CTBP2: variants seen among roughly 807,000 people sequenced by gnomAD.
The protein encoded by CTBP2 is C-terminal-binding protein 2.
Under a neutral mutation model 80.3 loss-of-function variants are expected in CTBP2, and 30 were observed. The ratio of observed to expected loss-of-function variants is 0.37; its 90% CI spans 0.28 to 0.51. CTBP2 has a LOEUF of 0.51. Among genes scored for constraint, CTBP2 ranks in the 20% least tolerant of loss-of-function variants. CTBP2 has a pLI of 0.93. For synonymous variants in CTBP2, 594 were observed against 587.4 expected, an observed-to-expected ratio of 1.01 and a Z score of -0.16; for missense variants, 1,212 against 1,375.3, an observed-to-expected ratio of 0.88 and a Z score of 1.88.
At chr10:124,998,714 G>C (rs1202302901) in intron 3 of CTBP2, 1 of 173,164 alleles carries the variant, frequency 5.8e-6, no homozygotes, top group African/African-American at 2.4e-5. Context: ...GGCTGGCCCC[G>C]GGAACGGAAC....
rs539262282 is a variant in CTBP2, at chr10:125,147,200, C to T, written c.-206+13119G>A. ...AACAAATATGCTCCTCGGAATGTGG[C>T]CTGTCATGCCCACGTTCACTGTGGT... On this transcript the variant is annotated intron_variant, in intron 1 of 10. Coordinates refer to the CTBP2 transcript ENST00000337195. Among the ~76,000 whole-genome samples the T allele has an allele frequency of 3.7e-4, 57 of 152,284 alleles. 1 individual carries two copies. The highest frequency in any genetic ancestry group is 1.3e-3 in the African/African-American group (55 of 41,570).
rs112638333 is a variant in CTBP2, at chr10:125,116,646, T to C, written c.-205-5553A>G. Among the ~76,000 whole-genome samples, 860 of 152,190 alleles carry C rather than the reference T, an allele frequency of 5.7e-3. 10 individuals are homozygous for C. The highest frequency in any genetic ancestry group is 0.019 in the African/African-American group (769 of 41,528). On this transcript the variant is annotated intron_variant, in intron 1 of 10. Coordinates refer to the CTBP2 transcript ENST00000337195. The stretch of plus-strand genomic sequence containing the variant: ...CCCCCTCTCCTAGCCTGACACTCCC[T>C]AGAGCACCACGGCACTGCCTCGGGG...
chr10:125,040,447 C>G lies in CTBP2; in HGVS notation c.-101-1292G>C, dbSNP rs1428384652. On this transcript the variant is annotated intron_variant, in intron 2 of 10. Transcript: ENST00000337195. ...TCCAACCTGGTGACAGAGCAAGACT[C>G]TGTCTTTAAAAAAAAAAAAAAAAAA... Among the ~76,000 whole-genome samples, 10 of 105,204 alleles carry G rather than the reference C, an allele frequency of 9.5e-5. No homozygotes were observed. In the South Asian group the frequency reaches 2.9e-3, roughly 30 times the overall value. The allele number at this position is 105,204 out of a possible 152,430, so 69.0% of individuals were successfully genotyped here.
chr10:125,043,945 T>A (rs1365344397), intron 2 of CTBP2, among the ~76,000 whole-genome samples: 3 of 152,220 alleles, frequency 2.0e-5, no homozygotes, highest in Admixed American at 6.5e-5. Flanking sequence ...TTTCACAATA[T>A]GCTCACAAAT....
chr10:125,074,430 C>G (rs1398181273), intron 2 of CTBP2, among the ~76,000 whole-genome samples: 2 of 152,230 alleles, frequency 1.3e-5, no homozygotes, highest in Non-Finnish European at 2.9e-5. Flanking sequence ...TCTCTGCTCA[C>G]TGCAACCTCT....
chr10:125,112,105 G>C (rs1224121210), intron 1 of CTBP2, among the ~76,000 whole-genome samples: 1 of 139,014 alleles, frequency 7.2e-6, no homozygotes, highest in African/African-American at 2.8e-5. Context: ...AGCTGCATTT[G>C]ACTTTTTTTT....
chr10:125,081,302 G>C (rs1847136329), intron 2 of CTBP2, among the ~76,000 whole-genome samples: 1 of 152,200 alleles, frequency 6.6e-6, no homozygotes, highest in South Asian at 2.1e-4. Context: ...CGCAGAATCC[G>C]AAGTTTCTTT....
chr10:125,161,599 C>G (rs950808851), upstream of CTBP2, among the ~76,000 whole-genome samples: 167 of 152,260 alleles, frequency 1.1e-3, no homozygotes, highest in Non-Finnish European at 1.8e-3. Context: ...AAATCCAGAT[C>G]CGGGAGACCG....
At chr10:125,121,180 T>C (rs1280529750) in intron 1 of CTBP2, among the ~76,000 whole-genome samples, 3 of 152,214 alleles carry the variant, frequency 2.0e-5, no homozygotes, top group Non-Finnish European at 4.4e-5. Flanking sequence ...TGCTTTCTCT[T>C]CTTCCCCCAG....
chr10:125,026,013 C>A (rs1957494915), intron 1 of CTBP2: 3 of 1,512,938 alleles, frequency 2.0e-6, no homozygotes, highest in Non-Finnish European at 2.7e-6. Context: ...TATGTTCAAA[C>A]TTCTACAACC....
chr10:125,120,922 A>G (rs933976649), intron 1 of CTBP2, among the ~76,000 whole-genome samples: 3 of 152,166 alleles, frequency 2.0e-5, no homozygotes, highest in Non-Finnish European at 4.4e-5. Flanking sequence ...AGGTGGCCAG[A>G]TATCGGTTCC....
intron 1 of CTBP2, chr10:125,005,610 C>T: frequency 6.2e-7 from 1 of 1,612,876 alleles, no homozygotes; most frequent in Non-Finnish European, 8.5e-7. Flanking sequence ...CCCCTCAGCT[C>T]ATCCGCGAGA....
chr10:125,031,669 G>A (rs945066193), upstream of CTBP2, among the ~76,000 whole-genome samples: 7 of 152,082 alleles, frequency 4.6e-5, no homozygotes, highest in Non-Finnish European at 7.3e-5. Context: ...AGCAGCCTTC[G>A]TCTAAATCAC....
intron 2 of CTBP2, among the ~76,000 whole-genome samples, chr10:125,092,006 T>C (rs961381167): frequency 6.6e-6 from 1 of 152,170 alleles, no homozygotes; most frequent in African/African-American, 2.4e-5. Context: ...TGTGAAGGCA[T>C]CATTTGAAAA....
intron 2 of CTBP2, among the ~76,000 whole-genome samples, chr10:125,109,063 G>A (rs548220476): frequency 6.6e-6 from 1 of 152,202 alleles, no homozygotes; most frequent in Admixed American, 6.5e-5. Context: ...TGCTAAACAG[G>A]ATCCCAGAGT....
intron 1 of CTBP2, among the ~76,000 whole-genome samples, chr10:125,147,292 G>C (rs557117487): frequency 3.7e-4 from 57 of 152,320 alleles, no homozygotes; most frequent in African/African-American, 1.3e-3. Flanking sequence ...GGCTTCACCT[G>C]GGCAGGGTGG....
intron 1 of CTBP2, among the ~76,000 whole-genome samples, chr10:125,159,087 G>T (rs866186975): frequency 3.3e-5 from 5 of 150,948 alleles, no homozygotes; most frequent in Non-Finnish European, 7.4e-5. Flanking sequence ...CAACTCGCCC[G>T]GGGCGCTGGG....
In CTBP2 at chr10:124,998,189, AG is replaced by A; in HGVS notation, c.1979-20del. The A allele has an allele frequency of 6.3e-7, 1 of 1,588,710 alleles. No individual in the cohort carries two copies. Among genetic ancestry groups the A allele is most frequent in the African/African-American group, 1.3e-5 (1 of 74,908 alleles). On this transcript the variant is annotated intron_variant, in intron 3 of 8. Coordinates refer to ENST00000309035, the MANE Select transcript of CTBP2 (RefSeq NM_022802.3). ...GCAATTCCTGAAAGGGATGAGGCCA[AG>A]GCCGGAGATGAGAAAACCTCAAGAT...
intron 3 of CTBP2, among the ~76,000 whole-genome samples, chr10:125,035,162 G>A (rs1267659335): frequency 2.0e-5 from 3 of 152,112 alleles, no homozygotes; most frequent in Non-Finnish European, 4.4e-5. Flanking sequence ...ATCCTCCTGC[G>A]ACAAAGGTGA....
Sources: allele counts gnomAD v4.1 joint callset (sites outside exome capture counted in the v4.1 genomes callset), GRCh38; gene constraint gnomAD v4.1.1; transcripts MANE v1.5; gene names NCBI Gene and HGNC (gene_info 2026-07-23, HGNC 2026-07-21).